Variants in ZC3H14 observed in about 807,000 individuals in gnomAD.
ZC3H14 encodes zinc finger CCCH-type containing 14.
ZC3H14 carries 31 observed loss-of-function variants against 92.4 expected under a neutral mutation model. The ratio of observed to expected loss-of-function variants is 0.34; its 90% confidence interval spans 0.25 to 0.45. The LOEUF (loss-of-function observed/expected upper bound fraction) is 0.45, where lower values mean the gene tolerates loss of function less well. Among genes scored for constraint, ZC3H14 ranks in the 20% least tolerant of loss-of-function variants. ZC3H14 has a pLI of 1.00. For missense variants in ZC3H14, 781 were observed against 897.3 expected, an observed-to-expected ratio of 0.87 and a Z score of 1.66; for synonymous variants, 321 against 300.9, an observed-to-expected ratio of 1.07 and a Z score of -0.69.
chr14:88,621,611 A>G lies in ZC3H14; in HGVS notation c.*9860A>G. The G allele has an allele frequency of 2.5e-6, 1 of 392,400 alleles. No homozygotes were observed. The highest frequency in any genetic ancestry group is 4.6e-6 in the Non-Finnish European group (1 of 215,788). 24.3% of individuals were successfully genotyped at this position (392,400 alleles called of 1,614,324 possible). A position where few individuals can be genotyped will look rare whatever the true frequency, so the allele number is the denominator to read the frequency against. ...ATCTTAGGATTTCCAAACTGGGGTCAGTGCAGTGGGATATAGGAAAAAATA... is the reference window on the plus strand; with the variant it reads ...ATCTTAGGATTTCCAAACTGGGGTCGGTGCAGTGGGATATAGGAAAAAATA... On this transcript the variant is annotated 3_prime_UTR_variant, in exon 17 of 17. Coordinates refer to ENST00000251038, the MANE Select transcript of ZC3H14 (RefSeq NM_024824.5).
chr14:88,600,525 T>C (rs2084471851), intron 10 of ZC3H14, among the ~76,000 whole-genome samples: 1 of 151,944 alleles, frequency 6.6e-6, no homozygotes, highest in African/African-American at 2.4e-5. Flanking sequence ...CATTGCAGCC[T>C]TGACCTCCTG....
In ZC3H14 at chr14:88,571,371, T is replaced by A. The variant is rs571698056; in HGVS notation, c.235+247T>A. On this transcript the variant is annotated intron_variant, in intron 4 of 16. Coordinates refer to ENST00000251038, the MANE Select transcript of ZC3H14 (RefSeq NM_024824.5). Reference sequence around the variant, plus strand: ...AATAATTACATATATGTGCAAAGATTTAGCCTCAAGGATATTTCAGTATTT... The same window carrying A: ...AATAATTACATATATGTGCAAAGATATAGCCTCAAGGATATTTCAGTATTT... 3.3e-5 allele frequency among the ~76,000 whole-genome samples: 5 copies of A among 152,108 alleles called. No homozygotes were observed. In the East Asian group the frequency reaches 9.6e-4, roughly 29 times the overall value.
At chr14:88,581,433 C>T (rs1027016242) in intron 9 of ZC3H14, among the ~76,000 whole-genome samples, 1 of 151,940 alleles carries the variant, frequency 6.6e-6, no homozygotes, top group African/African-American at 2.4e-5. Context: ...TTGTGGTGTG[C>T]GCCTGTAGTC....
intron 15 of ZC3H14, among the ~76,000 whole-genome samples, chr14:88,610,049 C>T (rs1274473924): frequency 6.6e-6 from 1 of 152,074 alleles, no homozygotes. Flanking sequence ...TCACATTTTC[C>T]ATTATTCCCT....
At chr14:88,610,990 A>G in intron 16 of ZC3H14, 50 bp downstream of exon 16, 1 of 1,558,124 alleles carries the variant, frequency 6.4e-7, no homozygotes, top group Non-Finnish European at 8.8e-7. Context: ...TCTTTTTTCT[A>G]ATTTGCAGTT....
At chr14:88,603,696 A>G (rs1427220692) in intron 12 of ZC3H14, among the ~76,000 whole-genome samples, 1 of 152,190 alleles carries the variant, frequency 6.6e-6, no homozygotes, top group Non-Finnish European at 1.5e-5. Flanking sequence ...TATGTTCCTT[A>G]TATCTTCTAA....
At chr14:88,600,983 C>T (rs2084564438) in intron 10 of ZC3H14, among the ~76,000 whole-genome samples, 1 of 152,102 alleles carries the variant, frequency 6.6e-6, no homozygotes, top group Non-Finnish European at 1.5e-5. Flanking sequence ...CCGAGTCTCT[C>T]TCCTTGTTTA....
chr14:88,621,013 C>G lies in ZC3H14; in HGVS notation c.*9262C>G. The G allele has an allele frequency of 1.4e-6, 2 of 1,476,556 alleles. No individual in the cohort carries two copies. The highest frequency in any genetic ancestry group is 2.7e-5 in the Admixed American group (1 of 37,598). 91.5% of individuals were successfully genotyped at this position (1,476,556 alleles called of 1,614,324 possible). ...TATACCAGTTTCCCCTCAAAATGCT[C>G]AACAGAATTCTGGCAGTTCTTTAAG... is the stretch of plus-strand genomic sequence containing the variant. On this transcript the variant is annotated 3_prime_UTR_variant, in exon 17 of 17. Transcript: ENST00000251038.
At chr14:88,600,606 T>C (rs1033972330) in intron 10 of ZC3H14, among the ~76,000 whole-genome samples, 2 of 152,092 alleles carry the variant, frequency 1.3e-5, no homozygotes, top group Non-Finnish European at 2.9e-5. Flanking sequence ...CACGCCTGGC[T>C]AATTTTATTT....
At chr14:88,610,745 AGAGT>A in intron 15 of ZC3H14, 85 bp from the exon 16 acceptor site, 1 of 1,306,364 alleles carries the variant, frequency 7.7e-7, no homozygotes, top group Non-Finnish European at 1.1e-6. Context: ...CCTGGGTGAC[AGAGT>A]GAGACCCTGT....
Position 88,568,072 on chromosome 14 carries a change from T to C in ZC3H14, c.113T>C (p.Val38Ala). ...EELPDYIMVM[V>A]ANKKSQDQMT... The stretch of plus-strand genomic sequence containing the variant: ...CTTCCTGATTACATTATGGTGATGG[T>C]GGCCAACAAGAAAAGTCAGGACCAA... The change falls in exon 3 of 17, where the codon GTG becomes GCG. Residue 38 changes from valine to alanine, a missense_variant. Physicochemically the swap from Val to Ala is moderately conservative, Grantham distance 64 (BLOSUM62 0). Around this residue, in one of 3 missense-constraint regions of ZC3H14, gnomAD observed 106 missense variants for 154.2 expected, o/e 0.69. Coordinates refer to ENST00000251038, the MANE Select transcript of ZC3H14 (RefSeq NM_024824.5). The C allele has an allele frequency of 6.2e-7, 1 of 1,614,134 alleles. No individual in the cohort carries two copies. The highest frequency in any genetic ancestry group is 8.5e-7 in the Non-Finnish European group (1 of 1,179,990).
At chr14:88,608,356 C>T (rs1297925581) in intron 13 of ZC3H14, 2 of 472,142 alleles carry the variant, frequency 4.2e-6, no homozygotes, top group Non-Finnish European at 8.5e-6. Flanking sequence ...ATCCCCATCT[C>T]ACCCTGCAAG....
Position 88,602,984 on chromosome 14 carries a change from C to CA in ZC3H14, c.1672dup (p.Arg558LysfsTer17). 6.2e-7 allele frequency: 1 copy of CA among 1,614,176 alleles called. No individual in the cohort carries two copies. Among genetic ancestry groups the CA allele is most frequent in the Non-Finnish European group, 8.5e-7 (1 of 1,180,024 alleles). The stretch of plus-strand genomic sequence containing the variant: ...AAACTGCAGCCTCAAACAAGGGACT[C>CA]AGAGGTCTCCTCCACCCACAGCAGT... On this transcript the variant is annotated frameshift_variant, in exon 12 of 17. Transcript: ENST00000251038. LOFTEE classifies it high-confidence loss of function.
chr14:88,564,819 A>G (rs1165428922), intron 2 of ZC3H14, among the ~76,000 whole-genome samples: 1 of 152,224 alleles, frequency 6.6e-6, no homozygotes, highest in Non-Finnish European at 1.5e-5. Context: ...AAATGCTCAT[A>G]AAACATTTTT....
Position 88,612,210 on chromosome 14 carries a change from C to T in ZC3H14, c.*459C>T, listed in dbSNP as rs950298262. ...TAATGTTCATAATCCACCATGAAAACAGCATTGGCCAAAGGTACTGAGGCT... is the reference window on the plus strand; with the variant it reads ...TAATGTTCATAATCCACCATGAAAATAGCATTGGCCAAAGGTACTGAGGCT... On this transcript the variant is annotated 3_prime_UTR_variant, in exon 17 of 17. Transcript: ENST00000251038. 1 of 158,222 alleles carries T rather than the reference C, an allele frequency of 6.3e-6. No individual in the cohort carries two copies. Among genetic ancestry groups the T allele is most frequent in the African/African-American group, 2.4e-5 (1 of 41,530 alleles). The allele number at this position is 158,222 out of a possible 1,614,324, so 9.8% of individuals were successfully genotyped here.
chr14:88,587,187 A>C (rs2082562953), intron 9 of ZC3H14, among the ~76,000 whole-genome samples: 1 of 149,966 alleles, frequency 6.7e-6, no homozygotes, highest in South Asian at 2.1e-4. Flanking sequence ...TTGGAGGTAG[A>C]GTCTCACTTT....
chr14:88,626,763 T>A lies in ZC3H14; in HGVS notation c.*15012T>A. ...GATCACAGTATCATCTCAACAACATTCATGTGGCTGATGATCTAAGGCAAG... is the reference window on the plus strand; with the variant it reads ...GATCACAGTATCATCTCAACAACATACATGTGGCTGATGATCTAAGGCAAG... On this transcript the variant is annotated 3_prime_UTR_variant, in exon 17 of 17. Coordinates refer to ENST00000251038, the MANE Select transcript of ZC3H14 (RefSeq NM_024824.5). 7.0e-7 allele frequency: 1 copy of A among 1,430,940 alleles called. No individual in the cohort carries two copies. Among genetic ancestry groups the A allele is most frequent in the Admixed American group, 1.9e-5 (1 of 53,076 alleles). 88.6% of individuals were successfully genotyped at this position (1,430,940 alleles called of 1,614,324 possible). A position where few individuals can be genotyped will look rare whatever the true frequency, so the allele number is the denominator to read the frequency against.
intron 12 of ZC3H14, among the ~76,000 whole-genome samples, chr14:88,606,747 TAAAAA>T (rs34408574): frequency 1.6e-4 from 15 of 95,876 alleles, no homozygotes; most frequent in South Asian, 7.8e-4. Flanking sequence ...GACCCTGTCG[TAAAAA>T]AAAAAAAAAA....
At chr14:88,605,648 GA>G (rs1292157254) in intron 12 of ZC3H14, among the ~76,000 whole-genome samples, 1 of 152,130 alleles carries the variant, frequency 6.6e-6, no homozygotes, top group Non-Finnish European at 1.5e-5. Context: ...GCTTAAATAG[GA>G]CTTTTACTAT....
Sources: allele counts gnomAD v4.1 joint callset (sites outside exome capture counted in the v4.1 genomes callset), GRCh38; gene constraint gnomAD v4.1.1; regional missense constraint gnomAD v4.1.1; transcripts MANE v1.5; gene names NCBI Gene and HGNC (gene_info 2026-07-23, HGNC 2026-07-21).